The following ST6GAL2 variants were observed in gnomAD, a reference collection of about 807,000 sequenced individuals.
ST6GAL2 encodes the protein beta-galactoside alpha-2,6-sialyltransferase 2.
A neutral mutation model predicts 37.5 loss-of-function variants in ST6GAL2; 24 were observed. That is an observed-to-expected ratio of 0.64 (90% CI 0.46 to 0.90). ST6GAL2 has a LOEUF of 0.90. Ranked by LOEUF, ST6GAL2 falls within the 40% of genes least tolerant of loss-of-function variation. The probability of loss-of-function intolerance (pLI) is 0.00; values close to 1 mark genes in which losing one functional copy is unlikely to be tolerated. For synonymous variants in ST6GAL2, 306 were observed against 295.1 expected (o/e 1.04, Z -0.38); for missense variants, 715 against 712.7 (o/e 1.00, Z -0.04).
chr2:106,810,934 C>T (rs772716859), intron 5 of ST6GAL2, among the ~76,000 whole-genome samples: 9 of 146,220 alleles, frequency 6.2e-5, no homozygotes, highest in South Asian at 2.2e-4. Context: ...GCTCACTGAG[C>T]GACAGAGTGG....
intron 1 of ST6GAL2, among the ~76,000 whole-genome samples, chr2:106,869,753 G>C (rs143096865): frequency 1.5e-4 from 23 of 152,322 alleles, no homozygotes; most frequent in African/African-American, 5.5e-4. Context: ...CAAGTCTAAT[G>C]TTTAAGCCTA....
intron 1 of ST6GAL2, among the ~76,000 whole-genome samples, chr2:106,849,271 G>C (rs1292001927): frequency 6.6e-6 from 1 of 152,036 alleles, no homozygotes; most frequent in Non-Finnish European, 1.5e-5. Context: ...ATGGACCCCA[G>C]AGAAACATGA....
At chr2:106,865,158 AAGAATC>A (rs1677970915) in intron 1 of ST6GAL2, among the ~76,000 whole-genome samples, 1 of 152,226 alleles carries the variant, frequency 6.6e-6, no homozygotes, top group South Asian at 2.1e-4. Context: ...AATGAAATAA[AAGAATC>A]AGAAAGTGAT....
chr2:106,887,123 C>G (rs1351921410), upstream of ST6GAL2: 1 of 152,414 alleles, frequency 6.6e-6, no homozygotes, highest in African/African-American at 2.4e-5. Context: ...TCTTTGTGTA[C>G]CCTGTCCAAC....
intron 1 of ST6GAL2, among the ~76,000 whole-genome samples, chr2:106,860,943 T>C (rs958257465): frequency 8.5e-5 from 13 of 152,134 alleles, no homozygotes; most frequent in African/African-American, 2.9e-4. Context: ...CCTGCTTTGA[T>C]TGACTGCACA....
At chr2:106,862,441 T>G (rs939842843) in intron 1 of ST6GAL2, among the ~76,000 whole-genome samples, 1 of 152,206 alleles carries the variant, frequency 6.6e-6, no homozygotes, top group Non-Finnish European at 1.5e-5. Context: ...AGTCTGAAAT[T>G]TATTTAAAGT....
intron 2 of ST6GAL2, among the ~76,000 whole-genome samples, chr2:106,839,190 G>C (rs992146727): frequency 1.6e-4 from 25 of 152,104 alleles, no homozygotes; most frequent in African/African-American, 6.0e-4. Flanking sequence ...TGCCTTCCAA[G>C]CCTGCTTCTC....
intron 1 of ST6GAL2, among the ~76,000 whole-genome samples, chr2:106,847,672 A>G (rs1159270751): frequency 6.6e-6 from 1 of 152,086 alleles, no homozygotes; most frequent in African/African-American, 2.4e-5. Context: ...CAATCCCCAG[A>G]CTCTAGGACA....
At chr2:106,841,669 C>G (rs1029101692) in intron 2 of ST6GAL2, among the ~76,000 whole-genome samples, 5 of 152,122 alleles carry the variant, frequency 3.3e-5, no homozygotes, top group African/African-American at 9.7e-5. Context: ...GCCTGGGTAT[C>G]TCTGGCAAGA....
Position 106,860,775 on chromosome 2 carries a change from T to C in ST6GAL2, c.-57-16741A>G, listed in dbSNP as rs192955764. ...GGTGCAATGGGCTTCAGCATCCCCA[T>C]CCCAGATCACTAAAGGCCTTCCCTC... On this transcript the variant is annotated intron_variant, in intron 1 of 5. Transcript: ENST00000409382. 3.5e-3 allele frequency among the ~76,000 whole-genome samples: 530 copies of C among 152,296 alleles called. 4 individuals carry two copies. Among genetic ancestry groups the C allele is most frequent in the African/African-American group, 0.012 (499 of 41,556 alleles).
chr2:106,872,594 GTTAT>G (rs771908321), intron 1 of ST6GAL2, among the ~76,000 whole-genome samples: 5 of 151,958 alleles, frequency 3.3e-5, no homozygotes, highest in Admixed American at 1.3e-4. Context: ...ACATCCTTTT[GTTAT>G]TTATTTATTT....
At chr2:106,861,785 C>T (rs1279888323) in intron 1 of ST6GAL2, among the ~76,000 whole-genome samples, 1 of 152,020 alleles carries the variant, frequency 6.6e-6, no homozygotes, top group Non-Finnish European at 1.5e-5. Context: ...TGTCCGCCAC[C>T]AAGCCTGGCT....
At chr2:106,821,771 A>AGT (rs1676012872) in intron 5 of ST6GAL2, among the ~76,000 whole-genome samples, 1 of 152,118 alleles carries the variant, frequency 6.6e-6, no homozygotes, top group Non-Finnish European at 1.5e-5. Flanking sequence ...TCAATAAAAT[A>AGT]CTAGTAAATT....
chr2:106,830,462 A>C (rs7607635), intron 4 of ST6GAL2, among the ~76,000 whole-genome samples: 13,547 of 152,250 alleles, frequency 0.089, 842 homozygotes, highest in African/African-American at 0.12. Context: ...TTTGTGCTTA[A>C]GTAAAATGAG....
At chr2:106,818,170 G>T (rs1437054597) in intron 5 of ST6GAL2, among the ~76,000 whole-genome samples, 1 of 152,206 alleles carries the variant, frequency 6.6e-6, no homozygotes, top group African/African-American at 2.4e-5. Context: ...AAGGACACAA[G>T]CTGGCTGGCT....
intron 1 of ST6GAL2, among the ~76,000 whole-genome samples, chr2:106,855,585 T>C (rs1301934962): frequency 6.6e-6 from 1 of 152,184 alleles, no homozygotes; most frequent in African/African-American, 2.4e-5. Context: ...ACTAAAGTAT[T>C]CCTTCCTTAT....
intron 5 of ST6GAL2, 126 bp downstream of exon 5, chr2:106,829,940 T>C (rs877693): frequency 0.87 from 770,431 of 887,936 alleles, 335,236 homozygotes; most frequent in East Asian, 0.96. Flanking sequence ...AAATCAGAAA[T>C]ACTTCTGGTT....
Position 106,818,858 on chromosome 2 carries a change from C to A in ST6GAL2, c.1318+11208G>T, listed in dbSNP as rs1008770374. On this transcript the variant is annotated intron_variant, in intron 5 of 5. Transcript: ENST00000409382. ...TTCAAGATAACAGAAAGAAGAAATTCAGAATCCTATCAGATAAATTTAACA... is the reference window on the plus strand; with the variant it reads ...TTCAAGATAACAGAAAGAAGAAATTAAGAATCCTATCAGATAAATTTAACA... 5.9e-4 allele frequency among the ~76,000 whole-genome samples: 89 copies of A among 151,888 alleles called. 1 individual carries two copies. Among genetic ancestry groups the A allele is most frequent in the Non-Finnish European group, 1.5e-4 (10 of 67,970 alleles).
At position 106,803,749 on chromosome 2, in the gene ST6GAL2, T is replaced by C. The variant is rs564367121; in HGVS notation, c.*2929A>G. 1.4e-5 allele frequency: 2 copies of C among 145,956 alleles called. No homozygotes were observed. Among genetic ancestry groups the C allele is most frequent in the Admixed American group, 1.3e-4 (2 of 14,970 alleles). The allele number at this position is 145,956 out of a possible 1,614,324, so 9.0% of individuals were successfully genotyped here. A position where few individuals can be genotyped will look rare whatever the true frequency, so the allele number is the denominator to read the frequency against. ...ACAGCTTCAGCTTGCACCAAGAGGA[T>C]TTTTTTTTATCAGCTTCCCTTCATA... On this transcript the variant is annotated 3_prime_UTR_variant, in exon 6 of 6. Transcript: ENST00000409382.
Sources: gnomAD v4.1 joint callset for allele counts (sites outside exome capture counted in the v4.1 genomes callset) on GRCh38, gnomAD v4.1.1 for gene constraint, MANE v1.5 for transcripts, NCBI Gene and HGNC (gene_info 2026-07-23, HGNC 2026-07-21) for gene names.